NBEA: variants seen among roughly 807,000 people sequenced by gnomAD.
The protein encoded by NBEA is neurobeachin, also known as lysosomal-trafficking regulator 2.
Under a neutral mutation model 343.4 loss-of-function variants are expected in NBEA, and 44 were observed. The observed-to-expected ratio is 0.13, with a 90% confidence interval of 0.10 to 0.16. NBEA has a LOEUF of 0.16. NBEA is among the 10% of genes least tolerant of loss of function. NBEA has a pLI of 1.00. For missense variants in NBEA, 2,555 were observed against 3,631.3 expected (o/e 0.70, Z 7.62); for synonymous variants, 1,175 against 1,238.7 (o/e 0.95, Z 1.08).
At chr13:35,456,638 A>G (rs190398683) in intron 40 of NBEA, among the ~76,000 whole-genome samples, 13 of 152,064 alleles carry the variant, frequency 8.5e-5, no homozygotes, top group Admixed American at 5.9e-4. Flanking sequence ...TGAGTAACTG[A>G]AATTCAAGAT....
chr13:35,510,496 G>A (rs1205965615), intron 41 of NBEA, among the ~76,000 whole-genome samples: 1 of 152,164 alleles, frequency 6.6e-6, no homozygotes, highest in Non-Finnish European at 1.5e-5. Flanking sequence ...CTAAGGGCCT[G>A]CCATGCACCA....
At chr13:35,148,404 A>G (rs367899883) in intron 18 of NBEA, among the ~76,000 whole-genome samples, 2 of 152,170 alleles carry the variant, frequency 1.3e-5, no homozygotes, top group Non-Finnish European at 1.5e-5. Context: ...TTAAAATACT[A>G]TCTGATCTTA....
At chr13:35,020,424 T>C (rs978853868) in intron 1 of NBEA, among the ~76,000 whole-genome samples, 5 of 152,226 alleles carry the variant, frequency 3.3e-5, no homozygotes, top group African/African-American at 1.2e-4. Context: ...GATGACTGTT[T>C]CTTGTACGCT....
chr13:35,646,222 C>T (rs2084225268), intron 50 of NBEA, 37 bp from the exon 51 acceptor site: 2 of 1,432,270 alleles, frequency 1.4e-6, no homozygotes, highest in Non-Finnish European at 2.0e-6. Flanking sequence ...CTCTTTGATG[C>T]ATATTGATTA....
At chr13:35,224,090 G>T (rs1462545897) in intron 33 of NBEA, among the ~76,000 whole-genome samples, 2 of 152,036 alleles carry the variant, frequency 1.3e-5, no homozygotes, top group Non-Finnish European at 2.9e-5. Context: ...CTCAAACTTG[G>T]GATCTGTCTG....
chr13:35,657,273 C>T (rs2084856505), intron 55 of NBEA, among the ~76,000 whole-genome samples: 1 of 152,194 alleles, frequency 6.6e-6, no homozygotes, highest in South Asian at 2.1e-4. Context: ...GCATATGCCT[C>T]TTGGCATAGC....
Position 35,246,197 on chromosome 13 carries a change from C to T in NBEA, c.5776+13578C>T, listed in dbSNP as rs1416492672. Among the ~76,000 whole-genome samples, 4 of 152,220 alleles carry T rather than the reference C, an allele frequency of 2.6e-5. No homozygotes were observed. The East Asian group carries it at 7.7e-4, about 29-fold the overall frequency. ...AGATTTCTCTTGTCATATCTTATAT[C>T]ACTTTTTCAATTTCCTTAAGGTAGA... On this transcript the variant is annotated intron_variant, in intron 34 of 58. Coordinates refer to ENST00000379939, the MANE Select transcript of NBEA (RefSeq NM_001385012.1).
intron 28 of NBEA, among the ~76,000 whole-genome samples, chr13:35,178,771 A>C (rs1333093010): frequency 6.6e-6 from 1 of 151,520 alleles, no homozygotes. Context: ...TATAAAAACC[A>C]CAATGTAAGA....
intron 33 of NBEA, among the ~76,000 whole-genome samples, chr13:35,228,983 G>T (rs2152767702): frequency 6.6e-6 from 1 of 152,198 alleles, no homozygotes; most frequent in South Asian, 2.1e-4. Context: ...ATACACCTTT[G>T]TATTACTTCT....
intron 1 of NBEA, among the ~76,000 whole-genome samples, chr13:34,990,665 T>G (rs2060719568): frequency 6.6e-6 from 1 of 151,892 alleles, no homozygotes; most frequent in Non-Finnish European, 1.5e-5. Flanking sequence ...TCTTGGCTAT[T>G]AACATTCAGC....
Position 35,649,952 on chromosome 13 carries a change from C to T in NBEA, c.7963+105C>T. On this transcript the variant is annotated intron_variant, in intron 52 of 58. Coordinates refer to ENST00000379939, the MANE Select transcript of NBEA (RefSeq NM_001385012.1). ...ATTAGCTCATATCCCACATTATCTA[C>T]AAAAAACAGCAGACTAAATAAATAA... The T allele has an allele frequency of 9.2e-6, 10 of 1,086,508 alleles. No homozygotes were observed. The South Asian group carries it at 1.0e-4, about 11-fold the overall frequency. 67.3% of individuals were successfully genotyped at this position (1,086,508 alleles called of 1,614,324 possible).
chr13:35,050,329 C>G lies in NBEA; in HGVS notation c.906C>G (p.Val302=), dbSNP rs1302734939. ...SAHFVGNCLI[V]TSLKSKGKGF... Reference sequence around the variant, plus strand: ...ATTTTGTTGGCAACTGTTTAATAGTCACATCATTGAAGTCCAAAGGAAAAG... The same window carrying G: ...ATTTTGTTGGCAACTGTTTAATAGTGACATCATTGAAGTCCAAAGGAAAAG... Residue 302 remains valine, a synonymous_variant, in exon 6 of 59, where the codon GTC becomes GTG. Transcript: ENST00000379939. 6.2e-7 allele frequency: 1 copy of G among 1,609,056 alleles called. No individual in the cohort carries two copies. The highest frequency in any genetic ancestry group is 2.2e-5 in the East Asian group (1 of 44,664).
intron 49 of NBEA, among the ~76,000 whole-genome samples, chr13:35,642,180 A>G (rs2083992683): frequency 6.6e-6 from 1 of 152,186 alleles, no homozygotes; most frequent in South Asian, 2.1e-4. Flanking sequence ...TTTGTATGAA[A>G]TATGTAAGAC....
chr13:35,231,144 G>C (rs7490821), intron 33 of NBEA, among the ~76,000 whole-genome samples: 23,359 of 151,958 alleles, frequency 0.15, 1,887 homozygotes, highest in South Asian at 0.2. Context: ...TTTCTCCATG[G>C]TTTCTCCTTT....
intron 34 of NBEA, among the ~76,000 whole-genome samples, chr13:35,277,601 AC>A (rs1216118944): frequency 7.5e-6 from 1 of 133,592 alleles, no homozygotes; most frequent in African/African-American, 2.7e-5. Flanking sequence ...AGCCTGGGCA[AC>A]AAGAAAGAAA....
chr13:34,947,405 C>T (rs920086915), intron 1 of NBEA, among the ~76,000 whole-genome samples: 1 of 152,128 alleles, frequency 6.6e-6, no homozygotes, highest in African/African-American at 2.4e-5. Context: ...TTTTCCCAAA[C>T]AGTGTGAAAT....
chr13:35,432,372 C>T lies in NBEA; in HGVS notation c.6283C>T (p.Leu2095=). The T allele has an allele frequency of 6.2e-7, 1 of 1,606,958 alleles. No individual in the cohort carries two copies. The highest frequency in any genetic ancestry group is 8.5e-7 in the Non-Finnish European group (1 of 1,176,352). Residue 2095 remains leucine (L), a synonymous_variant, in exon 39 of 59, where the codon CTG becomes TTG. Coordinates refer to ENST00000379939, the MANE Select transcript of NBEA (RefSeq NM_001385012.1). The part of the protein sequence containing the change: ...AFGSTHAEAL[L]KAAIEYGTEE... ...TGGCTCCACTCATGCTGAAGCATTG[C>T]TGAAAGCTGCAATAGAATATGGTTA...
intron 36 of NBEA, among the ~76,000 whole-genome samples, chr13:35,324,365 T>C (rs1460595571): frequency 6.6e-6 from 1 of 152,250 alleles, no homozygotes; most frequent in East Asian, 1.9e-4. Context: ...AACTGATTTA[T>C]ATTCCTCATG....
chr13:35,567,315 A>T, intron 45 of NBEA, among the ~76,000 whole-genome samples: 1 of 152,316 alleles, frequency 6.6e-6, no homozygotes, highest in Admixed American at 6.5e-5. Context: ...ATTAGTAGAA[A>T]ATATGATGGC....
Sources: gnomAD v4.1 joint callset for allele counts (sites outside exome capture counted in the v4.1 genomes callset) on GRCh38, gnomAD v4.1.1 for gene constraint, MANE v1.5 for transcripts, NCBI Gene and HGNC (gene_info 2026-07-23, HGNC 2026-07-21) for gene names.